Variants in RRAD observed in about 807,000 individuals in gnomAD.
The protein encoded by RRAD is GTP-binding protein RAD.
Under a neutral mutation model 24.7 loss-of-function variants are expected in RRAD, and 15 were observed. The observed-to-expected ratio is 0.61, with a 90% confidence interval of 0.41 to 0.93. The LOEUF (loss-of-function observed/expected upper bound fraction) is 0.93. Among genes scored for constraint, RRAD ranks in the 40% least tolerant of loss-of-function variants. RRAD has a pLI of 0.00. For missense variants in RRAD, 438 were observed against 452.2 expected, an observed-to-expected ratio of 0.97 and a Z score of 0.29; for synonymous variants, 180 against 189.8, an observed-to-expected ratio of 0.95 and a Z score of 0.43.
Position 66,922,222 on chromosome 16 carries a change from T to C in RRAD, c.781A>G (p.Asn261Asp), listed in dbSNP as rs780837230. 1 of 1,614,246 alleles carries C rather than the reference T, an allele frequency of 6.2e-7. No homozygotes were observed. Among genetic ancestry groups the C allele is most frequent in the Non-Finnish European group, 8.5e-7 (1 of 1,180,036 alleles). The change falls in exon 5 of 5, where the codon AAC becomes GAC. Residue 261 changes from asparagine (N) to aspartate (D), a missense_variant. By Grantham distance (23) the Asn-to-Asp change is conservative. Transcript: ENST00000299759. ...CGGGTGCCTGCTTGCCGTCGTGCGT[T>C]GGCTTCTTTGCTGTCCCTGCGCAGG... ...IRLRRDSKEA[N>D]ARRQAGTRRR...
In RRAD at chr16:66,922,427, AC is replaced by A; in HGVS notation, c.650-75del. ...TGAGGAGTCCCCTCCAACAGTGGCCACCCATGGAAGCTGCCACTCGAGAATT... is the reference window on the plus strand; with the variant it reads ...TGAGGAGTCCCCTCCAACAGTGGCCACCATGGAAGCTGCCACTCGAGAATT... On this transcript the variant is annotated intron_variant, in intron 4 of 4. Transcript: ENST00000299759. 4 of 1,449,584 alleles carry A rather than the reference AC, an allele frequency of 2.8e-6. No homozygotes were observed. In the South Asian group the frequency reaches 5.3e-5, roughly 19 times the overall value. The allele number at this position is 1,449,584 out of a possible 1,614,324, so 89.8% of individuals were successfully genotyped here. A position where few individuals can be genotyped will look rare whatever the true frequency, so the allele number is the denominator to read the frequency against.
rs1962954217 is a variant in RRAD at position 66,923,919 on chromosome 16, C to T, written c.371G>A (p.Gly124Glu). 6.2e-7 allele frequency: 1 copy of T among 1,613,784 alleles called. No individual in the cohort carries two copies. Among genetic ancestry groups the T allele is most frequent in the South Asian group, 1.1e-5 (1 of 91,086 alleles). ...TACAATGGAGCGATCATAGGTGTGC[C>T]CTAGGCAGAAGGCCAGTAGACAGGT... Reference protein sequence around the residue: ...VEDGPEAEAAGHTYDRSIVVD... With the variant: ...VEDGPEAEAAEHTYDRSIVVD... Residue 124 changes from glycine to glutamate, a missense_variant and splice_region_variant, in exon 3 of 5, where the codon GGG becomes GAG. Transcript: ENST00000299759. This position sits in a 1 kb window ranked among gnomAD's most constrained non-coding sequence, Gnocchi z 4.9.
Position 66,921,926 on chromosome 16 carries a change from A to G in RRAD, c.*150T>C, listed in dbSNP as rs1962918142. 1 of 657,854 alleles carries G rather than the reference A, an allele frequency of 1.5e-6. No homozygotes were observed. Among genetic ancestry groups the G allele is most frequent in the Admixed American group, 2.9e-5 (1 of 34,300 alleles). The allele number at this position is 657,854 out of a possible 1,614,324, so 40.8% of individuals were successfully genotyped here. A position where few individuals can be genotyped will look rare whatever the true frequency, so the allele number is the denominator to read the frequency against. ...GCCACTTCGCAGGGCAGCACTGTCT[A>G]TCTGTCCATGACCATGAGGTTGGGG... On this transcript the variant is annotated 3_prime_UTR_variant, in exon 5 of 5. Transcript: ENST00000299759.
chr16:66,924,883 C>A lies in RRAD; in HGVS notation c.297G>T (p.Ala99=), dbSNP rs757892296. 242 of 1,586,364 alleles carry A rather than the reference C, an allele frequency of 1.5e-4. No homozygotes were observed. The highest frequency in any genetic ancestry group is 2.0e-4 in the Non-Finnish European group (237 of 1,171,134). Residue 99 remains alanine, a synonymous_variant, in exon 2 of 5, where the codon GCG becomes GCT. Transcript: ENST00000299759. This position sits in a 1 kb window ranked among gnomAD's most constrained non-coding sequence, Gnocchi z 4.2. The part of the protein sequence containing the change: ...ESVYKVLLLG[A]PGVGKSALAR... ...CCAGGGCGCTCTTGCCCACGCCGGG[C>A]GCCCCCAGCAGCAGCACCTTGTAAA...
rs1962922255 is a variant in RRAD at position 66,922,089 on chromosome 16, AGGTCGT to A, written c.908_913del (p.His303_Asp304del). 1 of 1,605,958 alleles carries A rather than the reference AGGTCGT, an allele frequency of 6.2e-7. No homozygotes were observed. The highest frequency in any genetic ancestry group is 8.5e-7 in the Non-Finnish European group (1 of 1,173,152). On this transcript the variant is annotated inframe_deletion, in exon 5 of 5. Transcript: ENST00000299759. Reference sequence around the variant, plus strand: ...AGCGGGTGGGACCTAGAGAACCGAGAGGTCGTGGCAGGACTTGGATTTGGCGCGAAA... The same window carrying A: ...AGCGGGTGGGACCTAGAGAACCGAGAGGCAGGACTTGGATTTGGCGCGAAA...
In RRAD at chr16:66,922,189, C is replaced by T; in HGVS notation, c.814G>A (p.Glu272Lys). The T allele has an allele frequency of 6.2e-7, 1 of 1,614,246 alleles. No homozygotes were observed. Among genetic ancestry groups the T allele is most frequent in the Non-Finnish European group, 8.5e-7 (1 of 1,180,026 alleles). ...ARRQAGTRRR[E>K]SLGKKAKRFL... is the part of the protein sequence containing the mutation. ...CGCTTCGCCTTTTTGCCAAGGCTCT[C>T]TCGCCTCCGGGTGCCTGCTTGCCGT... The change falls in exon 5 of 5, where the codon GAG becomes AAG. Residue 272 changes from glutamate (E) to lysine (K), a missense_variant. Glu to Lys is a moderately conservative substitution (Grantham distance 56). Transcript: ENST00000299759.
chr16:66,923,491 C>T lies in RRAD; in HGVS notation c.649+25G>A. ...TCAGGGCCCAGCTGGGCTCTCCCTC[C>T]CCCTGCAACCTGCCGCCTACTCACC... On this transcript the variant is annotated intron_variant, in intron 4 of 4. Transcript: ENST00000299759. This position sits in a 1 kb window ranked among gnomAD's most constrained non-coding sequence, Gnocchi z 4.9. The T allele has an allele frequency of 3.2e-6, 5 of 1,585,396 alleles. No individual in the cohort carries two copies. The highest frequency in any genetic ancestry group is 4.3e-6 in the Non-Finnish European group (5 of 1,166,724).
rs758113587 is a variant in RRAD, at chr16:66,923,579, C to T, written c.586G>A (p.Val196Met). The change falls in exon 4 of 5, where the codon GTG becomes ATG. Residue 196 changes from valine (V) to methionine (M), a missense_variant. Val to Met is a conservative substitution (Grantham distance 21). Transcript: ENST00000299759. The surrounding 1 kb of genome is among the most constrained non-coding windows in gnomAD (Gnocchi z 4.9). ...QLRRARQTDDVPIILVGNKSD... is the reference protein window; with the variant it reads ...QLRRARQTDDMPIILVGNKSD... ...TTGTTGCCCACGAGGATGATGGGCA[C>T]ATCATCTGTTTGCCGTGCACGCCGC... 6.2e-7 allele frequency: 1 copy of T among 1,613,208 alleles called. No homozygotes were observed. Among genetic ancestry groups the T allele is most frequent in the Admixed American group, 1.7e-5 (1 of 59,986 alleles).
rs1962948250 is a variant in RRAD, at chr16:66,923,575, G to A, written c.590C>T (p.Pro197Leu). 2.5e-6 allele frequency: 4 copies of A among 1,612,292 alleles called. No individual in the cohort carries two copies. The highest frequency in any genetic ancestry group is 1.1e-5 in the South Asian group (1 of 91,068). The part of the protein sequence containing the change: ...LRRARQTDDV[P>L]IILVGNKSDL... ...GCTCTTGTTGCCCACGAGGATGATG[G>A]GCACATCATCTGTTTGCCGTGCACG... The change falls in exon 4 of 5, where the codon CCC becomes CTC. Residue 197 changes from proline (P) to leucine (L), a missense_variant. Transcript: ENST00000299759. The surrounding 1 kb of genome is among the most constrained non-coding windows in gnomAD (Gnocchi z 4.9).
rs748070338 is a variant in RRAD, at chr16:66,922,068, G to A, written c.*8C>T. 4.4e-6 allele frequency: 7 copies of A among 1,600,644 alleles called. No homozygotes were observed. In the African/African-American group the frequency reaches 8.0e-5, roughly 18 times the overall value. ...TTCGTCTCCCACCATAGTGGGAGCGGGTGGGACCTAGAGAACCGAGAGGTC... is the reference window on the plus strand; with the variant it reads ...TTCGTCTCCCACCATAGTGGGAGCGAGTGGGACCTAGAGAACCGAGAGGTC... On this transcript the variant is annotated 3_prime_UTR_variant, in exon 5 of 5. Transcript: ENST00000299759.
rs1962970956 is a variant in RRAD at position 66,924,860 on chromosome 16, A to G, written c.320T>C (p.Leu107Pro). 4 of 1,588,434 alleles carry G rather than the reference A, an allele frequency of 2.5e-6. No individual in the cohort carries two copies. Among genetic ancestry groups the G allele is most frequent in the Non-Finnish European group, 2.6e-6 (3 of 1,172,166 alleles). ...CTCCACACCGCCGAAGATGCGCGCC[A>G]GGGCGCTCTTGCCCACGCCGGGCGC... is the stretch of plus-strand genomic sequence containing the variant. Reference protein sequence around the residue: ...LGAPGVGKSALARIFGGVEDG... With the variant: ...LGAPGVGKSAPARIFGGVEDG... Residue 107 changes from leucine (L) to proline (P), a missense_variant, in exon 2 of 5, where the codon CTG becomes CCG. By Grantham distance (98) the Leu-to-Pro change is moderately conservative (BLOSUM62 -3). Transcript: ENST00000299759. This position sits in a 1 kb window ranked among gnomAD's most constrained non-coding sequence, Gnocchi z 4.2.
chr16:66,924,703 A>G lies in RRAD; in HGVS notation c.370+107T>C. 1 of 778,242 alleles carries G rather than the reference A, an allele frequency of 1.3e-6. No homozygotes were observed. Among genetic ancestry groups the G allele is most frequent in the Non-Finnish European group, 1.7e-6 (1 of 580,888 alleles). 48.2% of individuals were successfully genotyped at this position (778,242 alleles called of 1,614,324 possible). On this transcript the variant is annotated intron_variant, in intron 2 of 4. Transcript: ENST00000299759. This position sits in a 1 kb window ranked among gnomAD's most constrained non-coding sequence, Gnocchi z 4.2. ...AAATAATAATAATAATAATAATAAC[A>G]ACAACAACAACTATAATTCCACGGT... is the stretch of plus-strand genomic sequence containing the variant.
Position 66,922,165 on chromosome 16 carries a change from G to T in RRAD, c.838C>A (p.Arg280Ser). The change falls in exon 5 of 5, where the codon CGC becomes AGC. Residue 280 changes from arginine (R) to serine (S), a missense_variant. Arg to Ser is a moderately radical substitution (Grantham distance 110). Transcript: ENST00000299759. ...CGAGCTACGATGCGGCCCAAGAAGC[G>T]CTTCGCCTTTTTGCCAAGGCTCTCT... ...RRESLGKKAK[R>S]FLGRIVARNS... 1 of 1,614,186 alleles carries T rather than the reference G, an allele frequency of 6.2e-7. No homozygotes were observed. The highest frequency in any genetic ancestry group is 1.1e-5 in the South Asian group (1 of 91,086).
chr16:66,924,726 G>A lies in RRAD; in HGVS notation c.370+84C>T, dbSNP rs1962968006. 2 of 989,206 alleles carry A rather than the reference G, an allele frequency of 2.0e-6. No individual in the cohort carries two copies. The highest frequency in any genetic ancestry group is 3.9e-5 in the South Asian group (1 of 25,722). 61.3% of individuals were successfully genotyped at this position (989,206 alleles called of 1,614,324 possible). A position where few individuals can be genotyped will look rare whatever the true frequency, so the allele number is the denominator to read the frequency against. On this transcript the variant is annotated intron_variant, in intron 2 of 4. Transcript: ENST00000299759. The surrounding 1 kb of genome is among the most constrained non-coding windows in gnomAD (Gnocchi z 4.2). ...ACAACAACAACAACTATAATTCCAC[G>A]GTATTTGCGGCTTTGAGTACCGGTC...
At chr16:66,922,634 A>G (rs567034012) in intron 4 of RRAD, among the ~76,000 whole-genome samples, 106 of 152,368 alleles carry the variant, frequency 7.0e-4, no homozygotes, top group African/African-American at 2.4e-3. Flanking sequence ...GTACGACAGT[A>G]GTAAACACAG....
chr16:66,924,864 C>T lies in RRAD; in HGVS notation c.316G>A (p.Ala106Thr). The T allele has an allele frequency of 6.3e-7, 1 of 1,588,278 alleles. No individual in the cohort carries two copies. The highest frequency in any genetic ancestry group is 8.5e-7 in the Non-Finnish European group (1 of 1,172,080). Reference protein sequence around the residue: ...LLGAPGVGKSALARIFGGVED... With the variant: ...LLGAPGVGKSTLARIFGGVED... ...ACACCGCCGAAGATGCGCGCCAGGG[C>T]GCTCTTGCCCACGCCGGGCGCCCCC... is the stretch of plus-strand genomic sequence containing the variant. Residue 106 changes from alanine (A) to threonine (T), a missense_variant, in exon 2 of 5, where the codon GCC (alanine) becomes ACC (threonine). By Grantham distance (58) the Ala-to-Thr change is moderately conservative. Coordinates refer to ENST00000299759, the MANE Select transcript of RRAD (RefSeq NM_004165.3). This position sits in a 1 kb window ranked among gnomAD's most constrained non-coding sequence, Gnocchi z 4.2.
Position 66,923,745 on chromosome 16 carries a change from G to A in RRAD, c.445-25C>T. 1 of 1,613,374 alleles carries A rather than the reference G, an allele frequency of 6.2e-7. No individual in the cohort carries two copies. Among genetic ancestry groups the A allele is most frequent in the South Asian group, 1.1e-5 (1 of 91,058 alleles). On this transcript the variant is annotated intron_variant, in intron 3 of 4. Coordinates refer to ENST00000299759, the MANE Select transcript of RRAD (RefSeq NM_004165.3). The surrounding 1 kb of genome is among the most constrained non-coding windows in gnomAD (Gnocchi z 4.9). ...CCTGGAGAACACACAACACACATCTGCCCAACAGTCCTCATGCCCCCGACA... is the reference window on the plus strand; with the variant it reads ...CCTGGAGAACACACAACACACATCTACCCAACAGTCCTCATGCCCCCGACA...
At chr16:66,922,715 C>T (rs1043895361) in intron 4 of RRAD, among the ~76,000 whole-genome samples, 1 of 152,202 alleles carries the variant, frequency 6.6e-6, no homozygotes, top group Non-Finnish European at 1.5e-5. Context: ...GATAGAGTCT[C>T]GCTGTCTCCC....
rs1302181630 is a variant in RRAD, at chr16:66,925,452, A to G, written c.-59T>C. Reference sequence around the variant, plus strand: ...GCTCAGGACTAGGATCCGGATTAGGAGGCCACGCACTCGTAGTCCGGACTC... The same window carrying G: ...GCTCAGGACTAGGATCCGGATTAGGGGGCCACGCACTCGTAGTCCGGACTC... On this transcript the variant is annotated 5_prime_UTR_variant, in exon 1 of 5. Transcript: ENST00000299759. This position sits in a 1 kb window ranked among gnomAD's most constrained non-coding sequence, Gnocchi z 5.2. The G allele has an allele frequency of 2.0e-5, 6 of 300,904 alleles. No individual in the cohort carries two copies. The highest frequency in any genetic ancestry group is 3.7e-5 in the Non-Finnish European group (6 of 164,240). 18.6% of individuals were successfully genotyped at this position (300,904 alleles called of 1,614,324 possible).
Sources: gnomAD v4.1 joint callset for allele counts (sites outside exome capture counted in the v4.1 genomes callset) on GRCh38, gnomAD v4.1.1 for gene constraint, Gnocchi (gnomAD v3.1) non-coding constraint, MANE v1.5 for transcripts, NCBI Gene and HGNC (gene_info 2026-07-23, HGNC 2026-07-21) for gene names.